PAQR6: variants seen among roughly 807,000 people sequenced by gnomAD.
The protein encoded by PAQR6 is progestin and adipoQ receptor family member 6.
Under a neutral mutation model 36.2 loss-of-function variants are expected in PAQR6, and 34 were observed. The observed-to-expected ratio is 0.94, with a 90% CI of 0.71 to 1.25. The LOEUF (loss-of-function observed/expected upper bound fraction) is 1.25, where lower values mean the gene tolerates loss of function less well. Among genes scored for constraint, PAQR6 ranks in the 50% most tolerant of loss-of-function variants. The pLI is 0.00. For synonymous variants in PAQR6, 190 were observed against 190.7 expected (o/e 1.00, Z 0.03); for missense variants, 431 against 445.7 (o/e 0.97, Z 0.30).
Position 156,244,429 on chromosome 1 carries a change from G to A in PAQR6, c.761-26C>T, listed in dbSNP as rs768330992. 22 of 1,475,862 alleles carry A rather than the reference G, an allele frequency of 1.5e-5. No homozygotes were observed. In the Admixed American group the frequency reaches 5.1e-4, roughly 34 times the overall value. The allele number at this position is 1,475,862 out of a possible 1,614,324, so 91.4% of individuals were successfully genotyped here. ...CTGTGGAGAGGATGGGCAGGTCAGA[G>A]CCACACCTTTCCCAGTGCAAGTCAC... On this transcript the variant is annotated intron_variant, in intron 7 of 7. Transcript: ENST00000292291.
chr1:156,246,326 G>T, intron 2 of PAQR6, 76 bp from the exon 3 acceptor site: 1 of 1,359,626 alleles, frequency 7.4e-7, no homozygotes, highest in Non-Finnish European at 1.0e-6. Context: ...CTGGAAGCAG[G>T]GTCAAAGAGG....
Position 156,244,776 on chromosome 1 carries a change from G to T in PAQR6, c.745C>A (p.Arg249Ser), listed in dbSNP as rs762094455. 1 of 1,613,770 alleles carries T rather than the reference G, an allele frequency of 6.2e-7. No homozygotes were observed. The highest frequency in any genetic ancestry group is 8.5e-7 in the Non-Finnish European group (1 of 1,180,032). The part of the protein sequence containing the change: ...SHLPERLAPG[R>S]FDYIGHSHQL... Reference sequence around the variant, plus strand: ...GTGCCCTCACCGATGTAATCAAAGCGTCCTGGTGCCAGCCTTTCAGGCAGG... The same window carrying T: ...GTGCCCTCACCGATGTAATCAAAGCTTCCTGGTGCCAGCCTTTCAGGCAGG... The change falls in exon 7 of 8, where the codon CGC becomes AGC. Residue 249 changes from arginine (R) to serine (S), a missense_variant. Physicochemically the swap from Arg to Ser is moderately radical, Grantham distance 110 (BLOSUM62 -1). Coordinates refer to ENST00000292291, the MANE Select transcript of PAQR6 (RefSeq NM_198406.3).
Position 156,243,703 on chromosome 1 carries a change from C to T in PAQR6, c.*426G>A, listed in dbSNP as rs749245135. ...ATGGGGGGGCAAGTGTGTGGCCTCTCGGCCTGGTTAGCAAGAAGCATTCAG... is the reference window on the plus strand; with the variant it reads ...ATGGGGGGGCAAGTGTGTGGCCTCTTGGCCTGGTTAGCAAGAAGCATTCAG... On this transcript the variant is annotated 3_prime_UTR_variant, in exon 8 of 8. Coordinates refer to ENST00000292291, the MANE Select transcript of PAQR6 (RefSeq NM_198406.3). The T allele has an allele frequency of 9.9e-5, 94 of 953,662 alleles. No individual in the cohort carries two copies. Among genetic ancestry groups the T allele is most frequent in the South Asian group, 1.7e-4 (9 of 52,596 alleles). 59.1% of individuals were successfully genotyped at this position (953,662 alleles called of 1,614,324 possible).
Position 156,243,828 on chromosome 1 carries a change from C to G in PAQR6, c.*301G>C. 1 of 1,541,490 alleles carries G rather than the reference C, an allele frequency of 6.5e-7. No individual in the cohort carries two copies. The highest frequency in any genetic ancestry group is 1.4e-5 in the African/African-American group (1 of 73,244). On this transcript the variant is annotated 3_prime_UTR_variant, in exon 8 of 8. Coordinates refer to ENST00000292291, the MANE Select transcript of PAQR6 (RefSeq NM_198406.3). The stretch of plus-strand genomic sequence containing the variant: ...AGATGAAAGGACCCCAACACCTCCC[C>G]CCGCCAACCTTTGACAGAATATAGG...
chr1:156,247,298 T>C (rs1660723249), intron 1 of PAQR6, among the ~76,000 whole-genome samples: 1 of 152,170 alleles, frequency 6.6e-6, no homozygotes, highest in Non-Finnish European at 1.5e-5. Flanking sequence ...CAGGAGAATT[T>C]TGGGGTCCCT....
At chr1:156,246,654 G>T (rs770058257) in intron 2 of PAQR6, 27 bp downstream of exon 2, 3 of 1,611,334 alleles carry the variant, frequency 1.9e-6, no homozygotes, top group East Asian at 2.2e-5. Context: ...AATGGGGGTT[G>T]GTGGGTCAGT....
chr1:156,244,009 TC>T lies in PAQR6; in HGVS notation c.*119del. On this transcript the variant is annotated 3_prime_UTR_variant, in exon 8 of 8. Coordinates refer to ENST00000292291, the MANE Select transcript of PAQR6 (RefSeq NM_198406.3). ...GCCCTCTCTCCTGTGCCCTCTCTCC[TC>T]AGCCCCTGTTGGTTCCAGGCTGAGA... 1 of 1,614,130 alleles carries T rather than the reference TC, an allele frequency of 6.2e-7. No individual in the cohort carries two copies. Among genetic ancestry groups the T allele is most frequent in the Non-Finnish European group, 8.5e-7 (1 of 1,180,014 alleles).
In PAQR6 at chr1:156,245,140, A is replaced by G. The variant is rs759850251; in HGVS notation, c.609+2T>C. The G allele has an allele frequency of 6.2e-7, 1 of 1,612,826 alleles. No individual in the cohort carries two copies. Among genetic ancestry groups the G allele is most frequent in the Non-Finnish European group, 8.5e-7 (1 of 1,179,110 alleles). On this transcript the variant is annotated splice_donor_variant, in intron 6 of 7. Transcript: ENST00000292291. LOFTEE classifies it high-confidence loss of function. ...CTGGGCAGGGGCCCTAGGCCTCCTT[A>G]CCCGATAAAAGAGTGGGAGGTTGTC...
chr1:156,244,908 C>G lies in PAQR6; in HGVS notation c.613G>C (p.Gly205Arg), dbSNP rs1409452299. The G allele has an allele frequency of 1.9e-6, 3 of 1,612,096 alleles. No individual in the cohort carries two copies. The highest frequency in any genetic ancestry group is 2.5e-6 in the Non-Finnish European group (3 of 1,179,696). ...CCGTGGCCCCTGCCCCAGCACAGCC[C>G]GAGCTGTCAAAGGAAAACCAAGGCT... ...FDNLPLFYRLGLCWGRGHGCG... is the reference protein window; with the variant it reads ...FDNLPLFYRLRLCWGRGHGCG... The change falls in exon 7 of 8, where the codon GGG (glycine) becomes CGG (arginine). Residue 205 changes from glycine to arginine, a missense_variant. Coordinates refer to ENST00000292291, the MANE Select transcript of PAQR6 (RefSeq NM_198406.3).
At chr1:156,245,006 C>A in intron 6 of PAQR6, 95 bp from the exon 7 acceptor site, 1 of 1,594,628 alleles carries the variant, frequency 6.3e-7, no homozygotes, top group South Asian at 1.1e-5. Context: ...CGGGCGGGCA[C>A]AGCTAGGCGG....
chr1:156,247,064 G>C (rs1213862474), intron 1 of PAQR6, among the ~76,000 whole-genome samples: 4 of 152,128 alleles, frequency 2.6e-5, no homozygotes, highest in Admixed American at 6.5e-5. Flanking sequence ...CAGCCCCGCA[G>C]GCCCCAGTTT....
At chr1:156,245,061 AG>A in intron 6 of PAQR6, 80 bp downstream of exon 6, 1 of 1,602,424 alleles carries the variant, frequency 6.2e-7, no homozygotes, top group Non-Finnish European at 8.5e-7. Flanking sequence ...GCAGGGACTG[AG>A]GGGGCAGGGC....
Position 156,243,579 on chromosome 1 carries a change from C to CA in PAQR6, c.*549dup, listed in dbSNP as rs1169082594. The stretch of plus-strand genomic sequence containing the variant: ...TAATGCACCCAGATAGGCCCACCCC[C>CA]AAAAGCCTGGACACCTTGAGCACAC... On this transcript the variant is annotated 3_prime_UTR_variant, in exon 8 of 8. Coordinates refer to ENST00000292291, the MANE Select transcript of PAQR6 (RefSeq NM_198406.3). The CA allele has an allele frequency of 6.1e-6, 3 of 493,882 alleles. No individual in the cohort carries two copies. Among genetic ancestry groups the CA allele is most frequent in the Non-Finnish European group, 1.1e-5 (3 of 282,506 alleles). The allele number at this position is 493,882 out of a possible 1,614,324, so 30.6% of individuals were successfully genotyped here.
Position 156,248,009 on chromosome 1 carries a change from A to T in PAQR6, c.-78T>A, listed in dbSNP as rs1213703703. 1 of 464,338 alleles carries T rather than the reference A, an allele frequency of 2.2e-6. No individual in the cohort carries two copies. Among genetic ancestry groups the T allele is most frequent in the South Asian group, 1.6e-5 (1 of 62,736 alleles). The allele number at this position is 464,338 out of a possible 1,614,324, so 28.8% of individuals were successfully genotyped here. A position where few individuals can be genotyped will look rare whatever the true frequency, so the allele number is the denominator to read the frequency against. ...GGTGGGTCAACAGGCCCAGGGCTCC[A>T]CGGGCGGAGTCCAAGGCTGCTGCCA... On this transcript the variant is annotated 5_prime_UTR_variant, in exon 1 of 8. Coordinates refer to ENST00000292291, the MANE Select transcript of PAQR6 (RefSeq NM_198406.3).
chr1:156,246,735 G>C lies in PAQR6; in HGVS notation c.-4C>G, dbSNP rs1394633412. Reference sequence around the variant, plus strand: ...GGGGCAGCTTGAGACTGAGCATGGTGGCCTGGTACCTCCACGTTGACCTAG... The same window carrying C: ...GGGGCAGCTTGAGACTGAGCATGGTCGCCTGGTACCTCCACGTTGACCTAG... On this transcript the variant is annotated 5_prime_UTR_variant, in exon 2 of 8. Coordinates refer to ENST00000292291, the MANE Select transcript of PAQR6 (RefSeq NM_198406.3). The C allele has an allele frequency of 6.2e-7, 1 of 1,613,692 alleles. No homozygotes were observed. Among genetic ancestry groups the C allele is most frequent in the Admixed American group, 1.7e-5 (1 of 59,976 alleles).
intron 1 of PAQR6, among the ~76,000 whole-genome samples, 189 bp from the exon 2 acceptor site, chr1:156,246,945 C>T (rs1469489679): frequency 1.3e-5 from 2 of 152,146 alleles, no homozygotes; most frequent in African/African-American, 4.8e-5. Flanking sequence ...TAACTCCAAC[C>T]CCTGTTCTCC....
At chr1:156,245,443 C>T in intron 5 of PAQR6, 92 bp downstream of exon 5, 3 of 1,551,448 alleles carry the variant, frequency 1.9e-6, no homozygotes, top group Non-Finnish European at 2.6e-6. Flanking sequence ...TACATGGTCC[C>T]GATGCCTCCA....
chr1:156,246,271 G>A, intron 2 of PAQR6, 21 bp from the exon 3 acceptor site: 2 of 1,591,852 alleles, frequency 1.3e-6, no homozygotes, highest in South Asian at 1.1e-5. Context: ...GGTGGGAGAG[G>A]AAGGGCGTCA....
chr1:156,244,446 G>A (rs1412519818), intron 7 of PAQR6, 43 bp from the exon 8 acceptor site: 3 of 1,456,164 alleles, frequency 2.1e-6, no homozygotes, highest in Non-Finnish European at 1.8e-6. Flanking sequence ...CTTTCCCAGT[G>A]CAAGTCACCC....
Sources: allele counts gnomAD v4.1 joint callset (sites outside exome capture counted in the v4.1 genomes callset), GRCh38; gene constraint gnomAD v4.1.1; transcripts MANE v1.5; gene names NCBI Gene and HGNC (gene_info 2026-07-23, HGNC 2026-07-21).